The following TUSC3 variants were observed in gnomAD, a reference collection of about 807,000 sequenced individuals.
TUSC3 encodes the protein tumor suppressor candidate 3.
TUSC3 carries 45 observed loss-of-function variants against 44.8 expected under a neutral mutation model. The observed-to-expected ratio is 1.00, with a 90% CI of 0.79 to 1.29. The LOEUF (loss-of-function observed/expected upper bound fraction) is 1.29. Ranked by LOEUF, TUSC3 falls within the 50% of genes most tolerant of loss-of-function variation. TUSC3 has a pLI of 0.00. For synonymous variants in TUSC3, 212 were observed against 152.9 expected, an observed-to-expected ratio of 1.39 and a Z score of -2.85; for missense variants, 519 against 437.9, an observed-to-expected ratio of 1.19 and a Z score of -1.65.
chr8:15,621,497 A>G (rs1422307525), intron 1 of TUSC3, among the ~76,000 whole-genome samples: 1 of 104,224 alleles, frequency 9.6e-6, no homozygotes, highest in Admixed American at 9.4e-5. Flanking sequence ...TATATCTATA[A>G]AATACACATA....
intron 1 of TUSC3, among the ~76,000 whole-genome samples, chr8:15,436,170 G>A (rs1395836576): frequency 1.3e-5 from 2 of 152,168 alleles, no homozygotes; most frequent in Non-Finnish European, 2.9e-5. Context: ...CCCTCAAAGA[G>A]AGTGGTCTGA....
intron 1 of TUSC3, among the ~76,000 whole-genome samples, chr8:15,472,698 C>T (rs76623229): frequency 6.6e-6 from 1 of 152,110 alleles, no homozygotes; most frequent in Admixed American, 6.5e-5. Flanking sequence ...CAGTCTTGCA[C>T]TAGAAACCAG....
At position 15,429,013 on chromosome 8, in the gene TUSC3, G is replaced by A. The variant is rs547799298; in HGVS notation, n.91+11708G>A. On this transcript the variant is annotated intron_variant and non_coding_transcript_variant, in intron 1 of 5. Transcript: ENST00000503191. Reference sequence around the variant, plus strand: ...GTCAATTTTGACTTCTGTTGCCATTGCTTTGGTGTTGTAGACATGAAGTCC... The same window carrying A: ...GTCAATTTTGACTTCTGTTGCCATTACTTTGGTGTTGTAGACATGAAGTCC... Among the ~76,000 whole-genome samples the A allele has an allele frequency of 2.0e-5, 3 of 152,244 alleles. No homozygotes were observed. In the South Asian group the frequency reaches 6.2e-4, roughly 32 times the overall value.
chr8:15,847,872 A>AT, the TUSC3 span, among the ~76,000 whole-genome samples: 215 of 152,146 alleles, frequency 1.4e-3, 2 homozygotes, highest in East Asian at 0.034. Context: ...ATAAGCCTTA[A>AT]TTTTTTTTAA....
chr8:15,438,457 C>T (rs926002267), intron 1 of TUSC3, among the ~76,000 whole-genome samples: 1 of 152,108 alleles, frequency 6.6e-6, no homozygotes, highest in East Asian at 1.9e-4. Context: ...CTGGTATAGT[C>T]CTGGAACCTT....
chr8:15,454,447 G>A (rs1455748706), intron 1 of TUSC3, among the ~76,000 whole-genome samples: 1 of 152,176 alleles, frequency 6.6e-6, no homozygotes, highest in African/African-American at 2.4e-5. Flanking sequence ...GTTAACAGAC[G>A]TAGACCAATA....
At chr8:15,460,415 G>T (rs1037332923) in intron 1 of TUSC3, among the ~76,000 whole-genome samples, 33 of 152,030 alleles carry the variant, frequency 2.2e-4, no homozygotes, top group African/African-American at 8.0e-4. Context: ...ATTTAAGTTT[G>T]TTGTAGATTC....
rs759067767 is a variant in TUSC3, at chr8:15,766,300, A to G, written c.*2144A>G. On this transcript the variant is annotated 3_prime_UTR_variant, in exon 11 of 11. Transcript: ENST00000503731. ...GAAAATGCTATAGGCAGAATTGCAA[A>G]GAGTGGCTCAAACATATAGTTTGCT... 2.0e-5 allele frequency: 3 copies of G among 152,128 alleles called. No individual in the cohort carries two copies. Among genetic ancestry groups the G allele is most frequent in the Non-Finnish European group, 4.4e-5 (3 of 67,994 alleles). The allele number at this position is 152,128 out of a possible 1,614,324, so 9.4% of individuals were successfully genotyped here. A position where few individuals can be genotyped will look rare whatever the true frequency, so the allele number is the denominator to read the frequency against.
chr8:15,473,042 G>T (rs1444847759), intron 1 of TUSC3, among the ~76,000 whole-genome samples: 2 of 152,144 alleles, frequency 1.3e-5, no homozygotes, highest in African/African-American at 2.4e-5. Flanking sequence ...AACAATATAT[G>T]CTGCCTTCAT....
chr8:15,656,961 G>C (rs1034329570), intron 3 of TUSC3, among the ~76,000 whole-genome samples: 2 of 152,166 alleles, frequency 1.3e-5, no homozygotes, highest in Non-Finnish European at 2.9e-5. Flanking sequence ...TTGATCCTTG[G>C]TGAGGGCAGC....
the TUSC3 span, among the ~76,000 whole-genome samples, chr8:15,827,453 G>A: frequency 6.6e-6 from 1 of 152,014 alleles, no homozygotes; most frequent in East Asian, 1.9e-4. Flanking sequence ...AGTTTACATT[G>A]GGTTTTGCTG....
At chr8:15,643,286 G>A (rs1270043416) in intron 2 of TUSC3, among the ~76,000 whole-genome samples, 1 of 152,148 alleles carries the variant, frequency 6.6e-6, no homozygotes, top group African/African-American at 2.4e-5. Context: ...TTAGCAGCAT[G>A]AGAATGGACT....
the TUSC3 span, among the ~76,000 whole-genome samples, chr8:15,840,414 C>T: frequency 2.6e-5 from 4 of 151,924 alleles, no homozygotes; most frequent in South Asian, 8.3e-4. Flanking sequence ...CACACACACA[C>T]AAAAACTCAG....
At chr8:15,443,531 T>C (rs1800050376) in intron 1 of TUSC3, among the ~76,000 whole-genome samples, 1 of 152,132 alleles carries the variant, frequency 6.6e-6, no homozygotes, top group African/African-American at 2.4e-5. Flanking sequence ...GAGATCTAAA[T>C]TAACCGAATC....
chr8:15,846,416 C>A, the TUSC3 span, among the ~76,000 whole-genome samples: 5 of 152,112 alleles, frequency 3.3e-5, no homozygotes, highest in Non-Finnish European at 2.9e-5. Flanking sequence ...AAGACACATG[C>A]ACACATATGT....
At chr8:15,454,544 A>G (rs370727834) in intron 1 of TUSC3, among the ~76,000 whole-genome samples, 1 of 152,306 alleles carries the variant, frequency 6.6e-6, no homozygotes, top group South Asian at 2.1e-4. Context: ...ACTAGTTTCC[A>G]GCTCGCTATT....
chr8:15,615,008 G>A lies in TUSC3; in HGVS notation c.139-8072G>A, dbSNP rs377623769. On this transcript the variant is annotated intron_variant, in intron 1 of 10. Transcript: ENST00000503731. Reference sequence around the variant, plus strand: ...TAAAGGGAACTCTTGTACACTCATCGTGGGAATGTGAATTAGTACAGCCAT... The same window carrying A: ...TAAAGGGAACTCTTGTACACTCATCATGGGAATGTGAATTAGTACAGCCAT... Among the ~76,000 whole-genome samples the A allele has an allele frequency of 2.0e-5, 3 of 149,858 alleles. 1 individual carries two copies. The highest frequency in any genetic ancestry group is 3.9e-4 in the East Asian group (2 of 5,124).
At chr8:15,427,682 C>T (rs1216946631) in intron 1 of TUSC3, among the ~76,000 whole-genome samples, 1 of 141,510 alleles carries the variant, frequency 7.1e-6, no homozygotes, top group Non-Finnish European at 1.6e-5. Flanking sequence ...ACCTTATGCC[C>T]CTCAGTCAAA....
intron 2 of TUSC3, among the ~76,000 whole-genome samples, chr8:15,484,053 T>A (rs1009692252): frequency 9.8e-5 from 15 of 152,322 alleles, no homozygotes; most frequent in Admixed American, 9.8e-4. Flanking sequence ...TATTAGTATG[T>A]ATGTTATATT....
Sources: gnomAD v4.1 joint callset for allele counts (sites outside exome capture counted in the v4.1 genomes callset) on GRCh38, gnomAD v4.1.1 for gene constraint, MANE v1.5 for transcripts, NCBI Gene and HGNC (gene_info 2026-07-23, HGNC 2026-07-21) for gene names.